The following H2BC18 variants were observed in gnomAD, a reference collection of about 807,000 sequenced individuals.
The protein encoded by H2BC18 is histone H2B type 2-F.
Under a neutral mutation model 6.3 loss-of-function variants are expected in H2BC18, and 8 were observed. That is an observed-to-expected ratio of 1.28 (90% confidence interval 0.75 to 2.31). The LOEUF is 2.31. Ranked by LOEUF, H2BC18 falls within the 30% of genes most tolerant of loss-of-function variation. H2BC18 has a pLI of 0.00. For synonymous variants in H2BC18, 104 were observed against 78.1 expected, an observed-to-expected ratio of 1.33 and a Z score of -1.75; for missense variants, 106 against 174.5, an observed-to-expected ratio of 0.61 and a Z score of 2.21.
chr1:149,784,365 T>A (rs1345243914), intron 1 of H2BC18: 1 of 1,607,152 alleles, frequency 6.2e-7, no homozygotes, highest in African/African-American at 1.3e-5. Flanking sequence ...GGTGCAGGTC[T>A]CAGCACTATG....
chr1:149,784,875 T>C (rs2091499573), intron 1 of H2BC18, among the ~76,000 whole-genome samples: 1 of 151,950 alleles, frequency 6.6e-6, no homozygotes, highest in Admixed American at 6.6e-5. Context: ...CCAGAATTAA[T>C]TTAACCATTC....
At position 149,812,272 on chromosome 1, in the gene H2BC18, C is replaced by G. The variant is rs2091987221; in HGVS notation, c.52G>C (p.Ala18Pro). The part of the protein sequence containing the change: ...APAPKKGSKK[A>P]VTKVQKKDGK... ...TCCTTCTTCTGCACTTTCGTAACAG[C>G]CTTTTTGGAGCCCTTCTTGGGAGCA... The change falls in exon 1 of 1, where the codon GCT becomes CCT. Residue 18 changes from alanine (A) to proline (P), a missense_variant. Around this residue, in one of 3 missense-constraint regions of H2BC18, gnomAD observed 70 missense variants for 64.6 expected, o/e 1.08. Coordinates refer to ENST00000369167, the MANE Select transcript of H2BC18 (RefSeq NM_001024599.5). 1 of 1,614,224 alleles carries G rather than the reference C, an allele frequency of 6.2e-7. No homozygotes were observed. Among genetic ancestry groups the G allele is most frequent in the African/African-American group, 1.3e-5 (1 of 75,054 alleles).
At chr1:149,807,652 A>G (rs1262993918), downstream of H2BC18, among the ~76,000 whole-genome samples, 1 of 151,754 alleles carries the variant, frequency 6.6e-6, no homozygotes, top group Non-Finnish European at 1.5e-5. Flanking sequence ...CAAAAATACA[A>G]AATTAGCTGG....
chr1:149,812,119 C>T lies in H2BC18; in HGVS notation c.205G>A (p.Asp69Asn). 6.2e-7 allele frequency: 1 copy of T among 1,614,228 alleles called. No individual in the cohort carries two copies. The highest frequency in any genetic ancestry group is 8.5e-7 in the Non-Finnish European group (1 of 1,180,040). Residue 69 changes from aspartate (D) to asparagine (N), a missense_variant, in exon 1 of 1, where the codon GAC becomes AAC. Coordinates refer to ENST00000369167, the MANE Select transcript of H2BC18 (RefSeq NM_001024599.5). ...AMGIMNSFVN[D>N]IFERIAGEAS... ...TCTCCCGCGATGCGCTCGAAGATGT[C>T]GTTGACGAAGGAGTTCATGATGCCC...
In H2BC18 at chr1:149,812,218, C is replaced by A; in HGVS notation, c.106G>T (p.Glu36Ter). ...TTGTACACGTAAACGGAGTAGCTCT[C>A]CTTGCGGCTGCGCTTGCGCTTCTTG... is the stretch of plus-strand genomic sequence containing the variant. ...DGKKRKRSRK[E>*]SYSVYVYKVL... Residue 36 changes from glutamate (E) to a stop codon, truncating the protein, a stop_gained, in exon 1 of 1, where the codon GAG becomes TAG. Coordinates refer to ENST00000369167, the MANE Select transcript of H2BC18 (RefSeq NM_001024599.5). LOFTEE classifies it high-confidence loss of function. 1 of 1,614,288 alleles carries A rather than the reference C, an allele frequency of 6.2e-7. No homozygotes were observed. Among genetic ancestry groups the A allele is most frequent in the Non-Finnish European group, 8.5e-7 (1 of 1,180,052 alleles).
chr1:149,785,890 G>C (rs1200198287), intron 1 of H2BC18: 1 of 151,902 alleles, frequency 6.6e-6, no homozygotes, highest in Admixed American at 6.6e-5. Flanking sequence ...AAAGGGCTAC[G>C]GTATGGGACA....
chr1:149,805,506 C>A (rs1912352), intron 1 of H2BC18: 17 of 149,982 alleles, frequency 1.1e-4, no homozygotes, highest in African/African-American at 3.9e-4. Flanking sequence ...GGTATGTGGA[C>A]CTCGGTGGTT....
At chr1:149,790,255 A>T in intron 1 of H2BC18, 1 of 1,603,666 alleles carries the variant, frequency 6.2e-7, no homozygotes, top group Non-Finnish European at 8.5e-7. Context: ...AGAAGAGAAG[A>T]CTCTGGGTTA....
chr1:149,807,482 A>ATT (rs2091928092), downstream of H2BC18, among the ~76,000 whole-genome samples: 1 of 114,204 alleles, frequency 8.8e-6, no homozygotes, highest in African/African-American at 3.5e-5. Flanking sequence ...ACAGAGCAAG[A>ATT]CCCTGTCTGG....
At chr1:149,797,253 CT>C (rs1443195233) in intron 1 of H2BC18, among the ~76,000 whole-genome samples, 2 of 152,110 alleles carry the variant, frequency 1.3e-5, no homozygotes, top group African/African-American at 4.8e-5. Flanking sequence ...GATTTTTTTT[CT>C]GTTTCTCTTA....
At chr1:149,788,603 C>T (rs199556704) in intron 1 of H2BC18, 1 of 1,614,016 alleles carries the variant, frequency 6.2e-7, no homozygotes, top group East Asian at 2.2e-5. Flanking sequence ...GCAGGAATAT[C>T]TGTCACTGTG....
At chr1:149,788,755 C>T (rs2091619424) in intron 1 of H2BC18, 2 of 902,344 alleles carry the variant, frequency 2.2e-6, no homozygotes, top group African/African-American at 1.7e-5. Flanking sequence ...AAAGGCCACA[C>T]CATGACCAGT....
At chr1:149,809,368 A>C (rs1260791545), downstream of H2BC18, among the ~76,000 whole-genome samples, 3 of 150,878 alleles carry the variant, frequency 2.0e-5, no homozygotes, top group Non-Finnish European at 4.4e-5. Flanking sequence ...GGATTTTTGA[A>C]TCTATAACAG....
At chr1:149,799,790 A>G (rs57919378) in intron 1 of H2BC18, among the ~76,000 whole-genome samples, 3,731 of 152,168 alleles carry the variant, frequency 0.025, 272 homozygotes, top group East Asian at 0.2. Context: ...TTTCTGGCTT[A>G]TCTTGATCAT....
Position 149,797,685 on chromosome 1 carries a change from G to A in H2BC18, c.377+14262C>T, listed in dbSNP as rs6587592. On this transcript the variant is annotated intron_variant, in intron 1 of 1. Transcript: ENST00000545683. ...TGATCTCAACTCACTGTAACCCTCCGCCTCCCAGGCTCAACGATCCTCCTG... is the reference window on the plus strand; with the variant it reads ...TGATCTCAACTCACTGTAACCCTCCACCTCCCAGGCTCAACGATCCTCCTG... 2.1e-4 allele frequency among the ~76,000 whole-genome samples: 32 copies of A among 152,178 alleles called. No homozygotes were observed. In the East Asian group the frequency reaches 2.7e-3, roughly 13 times the overall value.
chr1:149,800,772 A>C (rs1221870316), intron 1 of H2BC18, among the ~76,000 whole-genome samples: 1 of 149,620 alleles, frequency 6.7e-6, no homozygotes, highest in Non-Finnish European at 1.5e-5. Flanking sequence ...AAATGACCGC[A>C]CTCACTGCTG....
At chr1:149,803,873 C>G (rs1440674460) in intron 1 of H2BC18, 9 of 152,174 alleles carry the variant, frequency 5.9e-5, no homozygotes, top group African/African-American at 2.2e-4. Context: ...ACTCTTTGGA[C>G]TGTAATTTGA....
intron 1 of H2BC18, among the ~76,000 whole-genome samples, chr1:149,795,262 A>AT (rs2091787139): frequency 7.7e-6 from 1 of 129,050 alleles, no homozygotes; most frequent in South Asian, 2.4e-4. Context: ...AAATAAATAA[A>AT]TAAATAAATA....
chr1:149,796,910 G>C (rs1571408314), intron 1 of H2BC18, among the ~76,000 whole-genome samples: 1 of 151,944 alleles, frequency 6.6e-6, no homozygotes, highest in Non-Finnish European at 1.5e-5. Context: ...AGCTGTCTGG[G>C]CTTGCTTTTG....
Sources: gnomAD v4.1 joint callset for allele counts (sites outside exome capture counted in the v4.1 genomes callset) on GRCh38, gnomAD v4.1.1 for gene constraint, gnomAD v4.1.1 regional missense constraint, MANE v1.5 for transcripts, NCBI Gene and HGNC (gene_info 2026-07-23, HGNC 2026-07-21) for gene names.